The following RPS6KC1 variants were observed in gnomAD, a reference collection of about 807,000 sequenced individuals.
RPS6KC1 encodes the protein ribosomal protein S6 kinase C1.
RPS6KC1 carries 54 observed loss-of-function variants against 103.8 expected under a neutral mutation model. The ratio of observed to expected loss-of-function variants is 0.52; its 90% CI spans 0.42 to 0.65. The LOEUF is 0.65. Among genes scored for constraint, RPS6KC1 ranks in the 30% least tolerant of loss-of-function variants. The pLI is 0.00. For synonymous variants in RPS6KC1, 439 were observed against 438.7 expected, an observed-to-expected ratio of 1.00 and a Z score of -0.01; for missense variants, 1,151 against 1,253.8, an observed-to-expected ratio of 0.92 and a Z score of 1.24.
chr1:213,118,529 G>A (rs956348263), intron 5 of RPS6KC1, among the ~76,000 whole-genome samples: 3 of 151,962 alleles, frequency 2.0e-5, no homozygotes, highest in South Asian at 2.1e-4. Context: ...TTTTGTGAGG[G>A]TATGTACTCC....
At chr1:213,385,922 A>G in the RPS6KC1 span, among the ~76,000 whole-genome samples, 2 of 152,148 alleles carry the variant, frequency 1.3e-5, no homozygotes, top group Admixed American at 6.5e-5. Flanking sequence ...TCAGTTATTT[A>G]CTGGCTGTCT....
At chr1:213,546,994 G>C in the RPS6KC1 span, among the ~76,000 whole-genome samples, 1 of 152,022 alleles carries the variant, frequency 6.6e-6, no homozygotes, top group Non-Finnish European at 1.5e-5. Context: ...TTATCCTTAG[G>C]TTCCTCTCCA....
At chr1:213,629,093 T>C in the RPS6KC1 span, among the ~76,000 whole-genome samples, 1 of 152,204 alleles carries the variant, frequency 6.6e-6, no homozygotes, top group Non-Finnish European at 1.5e-5. Context: ...TAGATGTCTA[T>C]TAGGTCTGCT....
At chr1:213,700,327 T>C in the RPS6KC1 span, among the ~76,000 whole-genome samples, 1 of 152,148 alleles carries the variant, frequency 6.6e-6, no homozygotes, top group South Asian at 2.1e-4. Flanking sequence ...TTGTGTATGT[T>C]CTTGACACCT....
intron 8 of RPS6KC1, among the ~76,000 whole-genome samples, chr1:213,193,352 G>A (rs1020488007): frequency 2.0e-5 from 3 of 152,058 alleles, no homozygotes; most frequent in African/African-American, 7.2e-5. Context: ...TCTGCCTCCT[G>A]GGTTCAAGTG....
intron 6 of RPS6KC1, among the ~76,000 whole-genome samples, chr1:213,167,124 C>T (rs2091032394): frequency 6.6e-6 from 1 of 152,068 alleles, no homozygotes; most frequent in Non-Finnish European, 1.5e-5. Flanking sequence ...TGGCTCAGCT[C>T]CTGACTAGGG....
chr1:213,767,788 G>T, the RPS6KC1 span, among the ~76,000 whole-genome samples: 1 of 152,186 alleles, frequency 6.6e-6, no homozygotes, highest in Admixed American at 6.5e-5. Flanking sequence ...CTGGCCAGAG[G>T]CCACGTGGTT....
chr1:213,399,646 C>A, the RPS6KC1 span, among the ~76,000 whole-genome samples: 84 of 152,044 alleles, frequency 5.5e-4, no homozygotes, highest in Non-Finnish European at 8.4e-4. Context: ...GTGCATGAAG[C>A]CGCCCACCCT....
At position 213,259,797 on chromosome 1, in the gene RPS6KC1, G is replaced by A. The variant is rs1038402352; in HGVS notation, c.2912-1761G>A. Among the ~76,000 whole-genome samples the A allele has an allele frequency of 3.6e-4, 46 of 127,712 alleles. 1 individual carries two copies. The highest frequency in any genetic ancestry group is 1.3e-3 in the African/African-American group (44 of 34,736). The allele number at this position is 127,712 out of a possible 152,430, so 83.8% of individuals were successfully genotyped here. A position where few individuals can be genotyped will look rare whatever the true frequency, so the allele number is the denominator to read the frequency against. On this transcript the variant is annotated intron_variant, in intron 12 of 14. Transcript: ENST00000366960. ...CTTGTTGCCCAGGCTGGAGTGCAGT[G>A]GCCTGCTCTCAGCTCACCGCAACCT...
At chr1:213,086,565 C>A (rs1379268346) in intron 3 of RPS6KC1, among the ~76,000 whole-genome samples, 1 of 152,128 alleles carries the variant, frequency 6.6e-6, no homozygotes, top group Non-Finnish European at 1.5e-5. Flanking sequence ...TCTTTTATTT[C>A]TTCTTAGTAG....
At chr1:213,578,492 C>T in the RPS6KC1 span, among the ~76,000 whole-genome samples, 4 of 152,196 alleles carry the variant, frequency 2.6e-5, no homozygotes, top group Non-Finnish European at 5.9e-5. Flanking sequence ...CACTCAACAC[C>T]AGCCCATGAC....
chr1:213,067,483 T>C (rs1346212954), intron 1 of RPS6KC1, among the ~76,000 whole-genome samples: 1 of 152,164 alleles, frequency 6.6e-6, no homozygotes, highest in Non-Finnish European at 1.5e-5. Flanking sequence ...TTAAGAGCCT[T>C]ACATCACTAA....
At chr1:213,520,320 C>T in the RPS6KC1 span, among the ~76,000 whole-genome samples, 571 of 152,196 alleles carry the variant, frequency 3.8e-3, 4 homozygotes, top group African/African-American at 0.013. Context: ...GAGAGCCAAG[C>T]GAAAGGGGAA....
intron 7 of RPS6KC1, among the ~76,000 whole-genome samples, chr1:213,176,120 G>C (rs2091848729): frequency 6.6e-6 from 1 of 152,044 alleles, no homozygotes; most frequent in Admixed American, 6.6e-5. Context: ...TTGAATTATT[G>C]CTCTAGAAAC....
the RPS6KC1 span, among the ~76,000 whole-genome samples, chr1:213,574,324 CAATTCT>C: frequency 6.6e-6 from 1 of 152,120 alleles, no homozygotes; most frequent in Admixed American, 6.5e-5. Context: ...ATCAGCTTAC[CAATTCT>C]AAGAATAAAT....
the RPS6KC1 span, among the ~76,000 whole-genome samples, chr1:213,815,979 T>A: frequency 6.6e-6 from 1 of 152,156 alleles, no homozygotes; most frequent in Non-Finnish European, 1.5e-5. Flanking sequence ...TTGGCCTAAT[T>A]TCAATATGAT....
the RPS6KC1 span, among the ~76,000 whole-genome samples, chr1:213,513,900 G>C: frequency 4.6e-5 from 7 of 152,212 alleles, no homozygotes; most frequent in South Asian, 2.1e-4. Context: ...TAGATTCTGT[G>C]ATGGAATCTT....
chr1:213,367,125 A>G, the RPS6KC1 span, among the ~76,000 whole-genome samples: 1 of 152,214 alleles, frequency 6.6e-6, no homozygotes, highest in Non-Finnish European at 1.5e-5. Flanking sequence ...TAAATGGTAT[A>G]TCCACTGTTG....
At chr1:213,538,671 T>G in the RPS6KC1 span, among the ~76,000 whole-genome samples, 1 of 152,026 alleles carries the variant, frequency 6.6e-6, no homozygotes, top group South Asian at 2.1e-4. Flanking sequence ...TGAGTTTGTT[T>G]TGAGGAGGGG....
Sources: allele counts gnomAD v4.1 joint callset (sites outside exome capture counted in the v4.1 genomes callset), GRCh38; gene constraint gnomAD v4.1.1; transcripts MANE v1.5; gene names NCBI Gene and HGNC (gene_info 2026-07-23, HGNC 2026-07-21).